IQGAP2: variants seen among roughly 807,000 people sequenced by gnomAD.
The protein encoded by IQGAP2 is IQ motif containing GTPase activating protein 2.
In IQGAP2, 173 loss-of-function variants were observed where a neutral mutation model predicts 201.3. The observed-to-expected ratio is 0.86, with a 90% CI of 0.76 to 0.98. IQGAP2 has a LOEUF of 0.98. Among genes scored for constraint, IQGAP2 ranks in the 50% least tolerant of loss-of-function variants. IQGAP2 has a pLI of 0.00. For missense variants in IQGAP2, 1,687 were observed against 1,864.8 expected, an observed-to-expected ratio of 0.90 and a Z score of 1.76; for synonymous variants, 675 against 673.9, an observed-to-expected ratio of 1.00 and a Z score of -0.03.
chr5:76,632,010 G>A lies in IQGAP2; in HGVS notation c.1764G>A (p.Glu588=). The A allele has an allele frequency of 6.2e-7, 1 of 1,604,966 alleles. No homozygotes were observed. Among genetic ancestry groups the A allele is most frequent in the South Asian group, 1.1e-5 (1 of 88,544 alleles). ...ATGATGCCCTTGTGAAGGCAAAAGA[G>A]CTCAAATCTGAAAGAGGTAAGTTGG... ...KYYDALVKAK[E]LKSERVSSDG... is the part of the protein sequence containing the mutation. Residue 588 remains glutamate, a synonymous_variant, in exon 15 of 36, where the codon GAG becomes GAA. Transcript: ENST00000274364.
intron 28 of IQGAP2, among the ~76,000 whole-genome samples, chr5:76,681,410 T>C (rs1745280642): frequency 6.6e-6 from 1 of 151,898 alleles, no homozygotes; most frequent in Non-Finnish European, 1.5e-5. Flanking sequence ...AACAAAGGAC[T>C]TTAACAGATG....
chr5:76,546,063 T>C (rs10065424), intron 2 of IQGAP2, among the ~76,000 whole-genome samples: 83,240 of 152,080 alleles, frequency 0.55, 23,728 homozygotes, highest in South Asian at 0.73. Flanking sequence ...AATTCTCCTA[T>C]AGCATGTGAT....
intron 1 of IQGAP2, among the ~76,000 whole-genome samples, chr5:76,419,138 CTTTA>C (rs894766290): frequency 7.9e-5 from 12 of 151,920 alleles, no homozygotes; most frequent in African/African-American, 2.4e-4. Context: ...TTATTTTAAA[CTTTA>C]TTTATTTATT....
intron 1 of IQGAP2, among the ~76,000 whole-genome samples, chr5:76,418,913 G>A (rs1379109055): frequency 6.6e-6 from 1 of 152,104 alleles, no homozygotes; most frequent in African/African-American, 2.4e-5. Context: ...AGCCTCCTAG[G>A]TTGATTACAC....
At chr5:76,468,579 T>C (rs1754916846) in intron 2 of IQGAP2, among the ~76,000 whole-genome samples, 1 of 152,228 alleles carries the variant, frequency 6.6e-6, no homozygotes, top group African/African-American at 2.4e-5. Flanking sequence ...GTAGTGGTCC[T>C]TAACTGGTTT....
chr5:76,510,833 C>T lies in IQGAP2; in HGVS notation c.146+49164C>T, dbSNP rs1027379076. 3.3e-5 allele frequency: 14 copies of T among 426,088 alleles called. 1 individual carries two copies. The highest frequency in any genetic ancestry group is 5.6e-5 in the Admixed American group (2 of 35,486). 26.4% of individuals were successfully genotyped at this position (426,088 alleles called of 1,614,324 possible). ...GAAGACACACCTGGCCTCCAGCAGG[C>T]TGGGCCTTCCAGAAGGGATAGCAGG... On this transcript the variant is annotated intron_variant, in intron 2 of 35. Transcript: ENST00000274364.
At chr5:76,704,144 T>G (rs1355028987) in intron 35 of IQGAP2, among the ~76,000 whole-genome samples, 1 of 152,268 alleles carries the variant, frequency 6.6e-6, no homozygotes, top group Non-Finnish European at 1.5e-5. Context: ...TGTCACTAAA[T>G]GTATCCATTT....
At chr5:76,479,081 C>A (rs533795450) in intron 2 of IQGAP2, among the ~76,000 whole-genome samples, 3 of 152,040 alleles carry the variant, frequency 2.0e-5, no homozygotes, top group Non-Finnish European at 4.4e-5. Flanking sequence ...CCTTTTACAC[C>A]GCCTCCGCCT....
intron 1 of IQGAP2, among the ~76,000 whole-genome samples, chr5:76,458,707 A>G (rs925848959): frequency 1.3e-5 from 2 of 152,164 alleles, no homozygotes; most frequent in African/African-American, 4.8e-5. Context: ...TTTGACTCAC[A>G]TGTGGCACAT....
chr5:76,533,992 A>T (rs535575815), intron 2 of IQGAP2, among the ~76,000 whole-genome samples: 5 of 152,328 alleles, frequency 3.3e-5, no homozygotes, highest in Non-Finnish European at 7.4e-5. Context: ...CACGATGAAT[A>T]ATGACTTTGT....
At chr5:76,575,224 ATG>A (rs10657778) in intron 4 of IQGAP2, among the ~76,000 whole-genome samples, 3 of 151,432 alleles carry the variant, frequency 2.0e-5, no homozygotes, top group East Asian at 1.9e-4. Flanking sequence ...GATTTTTTAA[ATG>A]TGTGTGTGTG....
intron 13 of IQGAP2, among the ~76,000 whole-genome samples, chr5:76,625,454 T>C (rs1228861117): frequency 6.6e-6 from 1 of 152,192 alleles, no homozygotes; most frequent in Non-Finnish European, 1.5e-5. Context: ...GTCTCTTTTT[T>C]TCCTCCTCTA....
intron 2 of IQGAP2, among the ~76,000 whole-genome samples, chr5:76,531,228 G>A (rs1759270257): frequency 1.3e-5 from 2 of 152,152 alleles, no homozygotes; most frequent in Non-Finnish European, 2.9e-5. Context: ...GGGCAGAAGA[G>A]AGAGAACCTA....
At position 76,673,491 on chromosome 5, in the gene IQGAP2, CCCA is replaced by C. The variant is rs2150489734; in HGVS notation, c.3112_3114del (p.Pro1038del). On this transcript the variant is annotated inframe_deletion, in exon 25 of 36. Coordinates refer to ENST00000274364, the MANE Select transcript of IQGAP2 (RefSeq NM_006633.5). ...TGACCACAGAACAAGCTCTAACATACCCAGAAGTGAAAAATAAACTGGAGGCTT... is the reference window on the plus strand; with the variant it reads ...TGACCACAGAACAAGCTCTAACATACGAAGTGAAAAATAAACTGGAGGCTT... 6.2e-7 allele frequency: 1 copy of C among 1,614,002 alleles called. No homozygotes were observed. Among genetic ancestry groups the C allele is most frequent in the East Asian group, 2.2e-5 (1 of 44,870 alleles).
intron 10 of IQGAP2, among the ~76,000 whole-genome samples, chr5:76,598,743 G>A (rs1747213744): frequency 6.6e-6 from 1 of 152,014 alleles, no homozygotes; most frequent in African/African-American, 2.4e-5. Context: ...CCACAGAGAT[G>A]TTTCACAGCA....
chr5:76,675,545 G>A (rs143732232), intron 27 of IQGAP2, among the ~76,000 whole-genome samples: 1,638 of 152,230 alleles, frequency 0.011, 29 homozygotes, highest in African/African-American at 0.037. Flanking sequence ...TAACAAGAAA[G>A]GCATGAGTCT....
chr5:76,636,427 T>A (rs1428744399), intron 15 of IQGAP2, among the ~76,000 whole-genome samples: 1 of 152,158 alleles, frequency 6.6e-6, no homozygotes, highest in Non-Finnish European at 1.5e-5. Context: ...TTCAAAAAAA[T>A]TTTTTTCTCA....
chr5:76,581,013 C>G (rs1213021706), intron 5 of IQGAP2, among the ~76,000 whole-genome samples: 1 of 152,230 alleles, frequency 6.6e-6, no homozygotes, highest in Non-Finnish European at 1.5e-5. Context: ...TAGGATTACT[C>G]TTCCCGCTGC....
chr5:76,492,783 C>T (rs1310872420), intron 2 of IQGAP2, among the ~76,000 whole-genome samples: 3 of 152,196 alleles, frequency 2.0e-5, no homozygotes, highest in Non-Finnish European at 4.4e-5. Context: ...GCTCTTCACT[C>T]ATCCTACAAA....
Sources: gnomAD v4.1 joint callset for allele counts (sites outside exome capture counted in the v4.1 genomes callset) on GRCh38, gnomAD v4.1.1 for gene constraint, MANE v1.5 for transcripts, NCBI Gene and HGNC (gene_info 2026-07-23, HGNC 2026-07-21) for gene names.